The following SPP1 variants were observed in gnomAD, a reference collection of about 807,000 sequenced individuals.
SPP1 encodes the protein osteopontin.
A neutral mutation model predicts 20.8 loss-of-function variants in SPP1; 18 were observed. That is an observed-to-expected ratio of 0.87 (90% CI 0.60 to 1.29). The LOEUF (loss-of-function observed/expected upper bound fraction) is 1.29. SPP1 is among the 50% of genes most tolerant of loss of function. SPP1 has a pLI of 0.00. For synonymous variants in SPP1, 146 were observed against 141.5 expected (o/e 1.03, Z -0.23); for missense variants, 363 against 389.0 (o/e 0.93, Z 0.56).
chr4:87,982,015 A>G (rs149200160), intron 6 of SPP1, among the ~76,000 whole-genome samples: 5 of 152,232 alleles, frequency 3.3e-5, no homozygotes, highest in African/African-American at 1.2e-4. Context: ...CTCAAACACA[A>G]TTCTACTTTT....
Position 87,981,330 on chromosome 4 carries a change from A to T in SPP1, c.217-145A>T, listed in dbSNP as rs941946617. The T allele has an allele frequency of 6.3e-6, 4 of 632,836 alleles. No individual in the cohort carries two copies. In the African/African-American group the frequency reaches 7.4e-5, roughly 12 times the overall value. The allele number at this position is 632,836 out of a possible 1,614,324, so 39.2% of individuals were successfully genotyped here. On this transcript the variant is annotated intron_variant, in intron 5 of 6. Coordinates refer to ENST00000395080, the MANE Select transcript of SPP1 (RefSeq NM_001040058.2). ...AGAGAAATTGGAAGATGCTCACTTT[A>T]GCTCCTAAAAGCCATGGTATGTACT...
chr4:87,982,091 A>G (rs1429265521), intron 6 of SPP1, among the ~76,000 whole-genome samples: 4 of 152,196 alleles, frequency 2.6e-5, no homozygotes, highest in Non-Finnish European at 5.9e-5. Context: ...TAAAAAAAAT[A>G]ATGGTCATGT....
At chr4:87,977,501 A>G (rs1181084112) in intron 3 of SPP1, among the ~76,000 whole-genome samples, 1 of 152,238 alleles carries the variant, frequency 6.6e-6, no homozygotes, top group Non-Finnish European at 1.5e-5. Context: ...GTATGACCAT[A>G]ATATTCACAA....
intron 1 of SPP1, among the ~76,000 whole-genome samples, chr4:87,976,661 C>A (rs1725386943): frequency 6.6e-6 from 1 of 152,114 alleles, no homozygotes; most frequent in African/African-American, 2.4e-5. Flanking sequence ...TGCAAAATTT[C>A]CCTTTCCCTT....
Position 87,976,912 on chromosome 4 carries a change from T to C in SPP1, c.17T>C (p.Ile6Thr). Residue 6 changes from isoleucine to threonine, a missense_variant, in exon 2 of 7, where the codon ATT becomes ACT. Coordinates refer to ENST00000395080, the MANE Select transcript of SPP1 (RefSeq NM_001040058.2). ...CTCACTACCATGAGAATTGCAGTGA[T>C]TTGCTTTTGCCTCCTAGGCATCACC... The part of the protein sequence containing the change: MRIAV[I>T]CFCLLGITCA... 1 of 1,613,550 alleles carries C rather than the reference T, an allele frequency of 6.2e-7. No homozygotes were observed. Among genetic ancestry groups the C allele is most frequent in the Non-Finnish European group, 8.5e-7 (1 of 1,179,478 alleles).
At chr4:87,982,417 G>T in intron 6 of SPP1, 75 bp from the exon 7 acceptor site, 1 of 1,517,710 alleles carries the variant, frequency 6.6e-7, no homozygotes, top group South Asian at 1.3e-5. Context: ...CTAAAAGCTA[G>T]AGAGTGGAAA....
intron 3 of SPP1, chr4:87,977,955 C>A: frequency 1.3e-6 from 1 of 748,950 alleles, no homozygotes; most frequent in Non-Finnish European, 1.7e-6. Flanking sequence ...AAATTAACAT[C>A]TCCAGAGAAG....
chr4:87,977,685 C>T (rs2110065681), intron 3 of SPP1: 1 of 1,251,436 alleles, frequency 8.0e-7, no homozygotes, highest in South Asian at 1.4e-5. Context: ...CCTACCCCTC[C>T]ACAACAGATG....
Position 87,980,451 on chromosome 4 carries a change from A to T in SPP1, c.216+17A>T, listed in dbSNP as rs1560582663. 2 of 1,613,610 alleles carry T rather than the reference A, an allele frequency of 1.2e-6. No homozygotes were observed. The highest frequency in any genetic ancestry group is 2.2e-5 in the South Asian group (2 of 90,918). The stretch of plus-strand genomic sequence containing the variant: ...AAACAAGAGGTAAGTTCTCATTTTC[A>T]ATCAGAGGCCCATCATGCCTTGAAG... On this transcript the variant is annotated intron_variant, in intron 5 of 6. Transcript: ENST00000395080.
chr4:87,981,859 A>C (rs1352863435), intron 6 of SPP1, 61 bp downstream of exon 6: 25 of 1,408,304 alleles, frequency 1.8e-5, no homozygotes, highest in African/African-American at 5.7e-5. Context: ...AGGAAACCAC[A>C]GTTTGCATAT....
At chr4:87,976,510 T>C (rs1184585664) in intron 1 of SPP1, among the ~76,000 whole-genome samples, 1 of 152,176 alleles carries the variant, frequency 6.6e-6, no homozygotes, top group Admixed American at 6.5e-5. Context: ...TTTTTTCTTC[T>C]CTAAAAAATA....
In SPP1 at chr4:87,982,870, G is replaced by A; in HGVS notation, c.919G>A (p.Asp307Asn). 6.2e-7 allele frequency: 1 copy of A among 1,613,006 alleles called. No homozygotes were observed. Among genetic ancestry groups the A allele is most frequent in the Non-Finnish European group, 8.5e-7 (1 of 1,179,310 alleles). Residue 307 changes from aspartate (D) to asparagine (N), a missense_variant, in exon 7 of 7, where the codon GAT (aspartate) becomes AAT (asparagine). Asp to Asn is a conservative substitution (Grantham distance 23, BLOSUM62 1). Transcript: ENST00000395080. ...GAAATTTCGTATTTCTCATGAATTA[G>A]ATAGTGCATCTTCTGAGGTCAATTA... ...HLKFRISHEL[D>N]SASSEVN is the part of the protein sequence containing the mutation.
intron 4 of SPP1, 129 bp from the exon 5 acceptor site, chr4:87,980,264 T>C: frequency 6.8e-7 from 1 of 1,467,096 alleles, no homozygotes. Context: ...CATGTTGGCT[T>C]CTCTCTGTGT....
chr4:87,978,871 T>C (rs1725521479), intron 3 of SPP1, among the ~76,000 whole-genome samples: 1 of 152,164 alleles, frequency 6.6e-6, no homozygotes, highest in Non-Finnish European at 1.5e-5. Flanking sequence ...AGAGTTCTCA[T>C]TCTCAGTGAC....
chr4:87,977,824 G>C (rs2853751), intron 3 of SPP1: 1 of 1,276,378 alleles, frequency 7.8e-7, no homozygotes, highest in Non-Finnish European at 1.0e-6. Context: ...ACTGCAATTA[G>C]ACTGCTTAAT....
chr4:87,978,314 A>C (rs1199797249), intron 3 of SPP1, among the ~76,000 whole-genome samples: 2 of 151,364 alleles, frequency 1.3e-5, no homozygotes, highest in Non-Finnish European at 2.9e-5. Context: ...ATGTGTCATG[A>C]GAATAGATAG....
rs1184030932 is a variant in SPP1, at chr4:87,976,949, A to G, written c.54A>G (p.Pro18=). The G allele has an allele frequency of 1.9e-6, 3 of 1,613,808 alleles. No individual in the cohort carries two copies. The highest frequency in any genetic ancestry group is 3.3e-5 in the Admixed American group (2 of 60,024). ...FCLLGITCAI[P]VKQADSGSSE... ...TCCTAGGCATCACCTGTGCCATACC[A>G]GTGAGTACAGTTGCATCTTAAAGAA... The change falls in exon 2 of 7, where the codon CCA becomes CCG. Residue 18 remains proline, a splice_region_variant and synonymous_variant. Coordinates refer to ENST00000395080, the MANE Select transcript of SPP1 (RefSeq NM_001040058.2).
intron 3 of SPP1, among the ~76,000 whole-genome samples, chr4:87,979,688 G>C (rs888043830): frequency 4.6e-5 from 7 of 152,034 alleles, no homozygotes; most frequent in Non-Finnish European, 1.0e-4. Context: ...TCGGTGTTAA[G>C]AGCTAGTTTG....
chr4:87,981,768 A>G lies in SPP1; in HGVS notation c.510A>G (p.Lys170=). Residue 170 remains lysine, a synonymous_variant, in exon 6 of 7, where the codon AAA becomes AAG. Transcript: ENST00000395080. ...GDSVVYGLRS[K]SKKFRRPDIQ... ...GTGTGGTTTATGGACTGAGGTCAAA[A>G]TCTAAGAAGTTTCGCAGACCTGACA... The G allele has an allele frequency of 1.2e-6, 2 of 1,614,024 alleles. No homozygotes were observed. Among genetic ancestry groups the G allele is most frequent in the Non-Finnish European group, 1.7e-6 (2 of 1,179,878 alleles).
Sources: gnomAD v4.1 joint callset for allele counts (sites outside exome capture counted in the v4.1 genomes callset) on GRCh38, gnomAD v4.1.1 for gene constraint, MANE v1.5 for transcripts, NCBI Gene and HGNC (gene_info 2026-07-23, HGNC 2026-07-21) for gene names.